The following RXRG variants were observed in gnomAD, a reference collection of about 807,000 sequenced individuals.
The protein encoded by RXRG is retinoid X receptor gamma, also known as retinoic acid receptor RXR-gamma.
RXRG carries 19 observed loss-of-function variants against 49.2 expected under a neutral mutation model. The ratio of observed to expected loss-of-function variants is 0.39; its 90% CI spans 0.27 to 0.57. RXRG has a LOEUF of 0.57. Ranked by LOEUF, RXRG falls within the 20% of genes least tolerant of loss-of-function variation. RXRG has a pLI of 0.64. For synonymous variants in RXRG, 224 were observed against 216.6 expected, an observed-to-expected ratio of 1.03 and a Z score of -0.30; for missense variants, 452 against 592.5, an observed-to-expected ratio of 0.76 and a Z score of 2.46.
chr1:165,433,085 T>A (rs182907796), intron 1 of RXRG, among the ~76,000 whole-genome samples: 30 of 152,192 alleles, frequency 2.0e-4, no homozygotes, highest in African/African-American at 6.7e-4. Context: ...CATCAGAGGA[T>A]GCACAATTTG....
At chr1:165,402,749 CACACACCTTCACACACTCTCATGCAT>C (rs1657622635) in intron 9 of RXRG, among the ~76,000 whole-genome samples, 1 of 151,944 alleles carries the variant, frequency 6.6e-6, no homozygotes, top group South Asian at 2.1e-4. Flanking sequence ...CACTCATGCA[CACACACCTTCACACACTCTCATGCAT>C]ACACACCTTC....
At position 165,411,030 on chromosome 1, in the gene RXRG, C is replaced by T. The variant is rs757312135; in HGVS notation, c.702G>A (p.Met234Ile). The T allele has an allele frequency of 3.7e-6, 6 of 1,614,152 alleles. No individual in the cohort carries two copies. Among genetic ancestry groups the T allele is most frequent in the Non-Finnish European group, 5.1e-6 (6 of 1,179,998 alleles). Residue 234 changes from methionine (M) to isoleucine (I), a missense_variant, in exon 5 of 10, where the codon ATG becomes ATA. Physicochemically the swap from Met to Ile is conservative, Grantham distance 10 (BLOSUM62 1). This residue lies in a region of RXRG where 286 missense variants were observed against 440.9 expected (regional missense o/e 0.65). Coordinates refer to ENST00000359842, the MANE Select transcript of RXRG (RefSeq NM_006917.5). Reference sequence around the variant, plus strand: ...CAGCTTCTAGAATCCTCTCCACAGGCATGTCTTCATGACCACTGGTAGCAC... The same window carrying T: ...CAGCTTCTAGAATCCTCTCCACAGGTATGTCTTCATGACCACTGGTAGCAC... ...AECATSGHED[M>I]PVERILEAEL...
intron 9 of RXRG, among the ~76,000 whole-genome samples, chr1:165,402,601 C>T (rs1023472495): frequency 5.9e-5 from 9 of 152,012 alleles, no homozygotes; most frequent in African/African-American, 9.7e-5. Flanking sequence ...CACTCACACA[C>T]GCACACTCAC....
chr1:165,437,557 G>T (rs1454912466), intron 1 of RXRG, among the ~76,000 whole-genome samples: 1 of 152,156 alleles, frequency 6.6e-6, no homozygotes, highest in Non-Finnish European at 1.5e-5. Flanking sequence ...GCCCTGTTCA[G>T]ATAGAGAGAG....
chr1:165,427,843 C>T (rs1480583906), intron 2 of RXRG, among the ~76,000 whole-genome samples: 1 of 152,132 alleles, frequency 6.6e-6, no homozygotes, highest in Non-Finnish European at 1.5e-5. Context: ...TTTTGCATTT[C>T]TATGATACAC....
rs373148482 is a variant in RXRG at position 165,401,276 on chromosome 1, A to G, written c.1379T>C (p.Leu460Pro). The part of the protein sequence containing the change: ...TFLMEMLETP[L>P]QIT The stretch of plus-strand genomic sequence containing the variant: ...GGCTGGTGGGGCTCAGGTGATCTGC[A>G]GCGGGGTCTCCAACATCTCCATGAG... The change falls in exon 10 of 10, where the codon CTG (leucine) becomes CCG (proline). Residue 460 changes from leucine to proline, a missense_variant. By Grantham distance (98) the Leu-to-Pro change is moderately conservative. This residue lies in a region of RXRG where 286 missense variants were observed against 440.9 expected (regional missense o/e 0.65). Transcript: ENST00000359842. The G allele has an allele frequency of 5.0e-6, 8 of 1,614,088 alleles. No individual in the cohort carries two copies. Among genetic ancestry groups the G allele is most frequent in the Non-Finnish European group, 6.8e-6 (8 of 1,179,996 alleles).
intron 9 of RXRG, among the ~76,000 whole-genome samples, chr1:165,406,136 G>C (rs1226481120): frequency 6.8e-6 from 1 of 147,188 alleles, no homozygotes; most frequent in Non-Finnish European, 1.5e-5. Flanking sequence ...TTGGAAGAAA[G>C]TTTTGAGAAT....
rs931824802 is a variant in RXRG, at chr1:165,411,201, T to G, written c.623-92A>C. 9.6e-6 allele frequency: 12 copies of G among 1,255,554 alleles called. No individual in the cohort carries two copies. In the African/African-American group the frequency reaches 1.6e-4, roughly 17 times the overall value. 77.8% of individuals were successfully genotyped at this position (1,255,554 alleles called of 1,614,324 possible). A position where few individuals can be genotyped will look rare whatever the true frequency, so the allele number is the denominator to read the frequency against. ...CCACATGAGCCTCAATTTACTCATC[T>G]ATGAAAGGGGAATCATTATGATCCT... On this transcript the variant is annotated intron_variant, in intron 4 of 9. Transcript: ENST00000359842.
chr1:165,443,335 G>A (rs1260240945), intron 1 of RXRG, among the ~76,000 whole-genome samples: 3 of 152,112 alleles, frequency 2.0e-5, no homozygotes, highest in Admixed American at 1.3e-4. Flanking sequence ...AAGATGTAAA[G>A]GAAAAAGCAA....
At chr1:165,437,639 A>G (rs934317915) in intron 1 of RXRG, among the ~76,000 whole-genome samples, 3 of 152,162 alleles carry the variant, frequency 2.0e-5, no homozygotes, top group Admixed American at 2.0e-4. Flanking sequence ...TGTGCACATA[A>G]TTGATGTTCA....
In RXRG at chr1:165,409,147, A is replaced by T. The variant is rs74121152; in HGVS notation, c.1046+411T>A. On this transcript the variant is annotated intron_variant, in intron 7 of 9. Transcript: ENST00000359842. ...CCATCTTGCCTGGCCTCTTGAGGAC[A>T]GATCCTGATCCCTTTCCCATCCTTG... 9.2e-3 allele frequency among the ~76,000 whole-genome samples: 1,404 copies of T among 152,258 alleles called. 18 individuals carry two copies. The highest frequency in any genetic ancestry group is 0.032 in the African/African-American group (1,342 of 41,532).
intron 1 of RXRG, among the ~76,000 whole-genome samples, chr1:165,438,350 C>A (rs1270787229): frequency 6.8e-6 from 1 of 148,058 alleles, no homozygotes. Flanking sequence ...GCAAATATTC[C>A]AAAATAAAAA....
At chr1:165,422,877 C>A (rs976304955) in intron 2 of RXRG, among the ~76,000 whole-genome samples, 3 of 152,200 alleles carry the variant, frequency 2.0e-5, no homozygotes, top group African/African-American at 7.2e-5. Context: ...ACCCCAAGAT[C>A]CTGGATCTCA....
At chr1:165,436,832 G>T in intron 1 of RXRG, 1 of 813,112 alleles carries the variant, frequency 1.2e-6, no homozygotes. Flanking sequence ...AACCAGATGG[G>T]GACAGAAGTG....
At chr1:165,442,797 T>C (rs1659047953) in intron 1 of RXRG, among the ~76,000 whole-genome samples, 1 of 152,220 alleles carries the variant, frequency 6.6e-6, no homozygotes, top group South Asian at 2.1e-4. Flanking sequence ...GATGAGATTA[T>C]AAATCCCATT....
At chr1:165,412,607 T>C (rs10489745) in intron 4 of RXRG, among the ~76,000 whole-genome samples, 14,714 of 152,300 alleles carry the variant, frequency 0.097, 1,211 homozygotes, top group East Asian at 0.41. Flanking sequence ...TTAAGGTTGG[T>C]ACTCTTCAGT....
chr1:165,443,511 A>G (rs1557930189), intron 1 of RXRG, among the ~76,000 whole-genome samples: 1 of 152,146 alleles, frequency 6.6e-6, no homozygotes, highest in Non-Finnish European at 1.5e-5. Context: ...GAACATTTCC[A>G]TGGCCCTCAC....
At chr1:165,415,393 T>G (rs1031412689) in intron 4 of RXRG, among the ~76,000 whole-genome samples, 2 of 152,104 alleles carry the variant, frequency 1.3e-5, no homozygotes, top group African/African-American at 4.8e-5. Flanking sequence ...AGGAAAGACA[T>G]TGGAGGATTC....
At chr1:165,429,866 C>A (rs1337277423) in intron 1 of RXRG, among the ~76,000 whole-genome samples, 1 of 152,176 alleles carries the variant, frequency 6.6e-6, no homozygotes, top group Non-Finnish European at 1.5e-5. Flanking sequence ...CAGTAGCAAA[C>A]TCGAGATGAA....
Sources: gnomAD v4.1 joint callset for allele counts (sites outside exome capture counted in the v4.1 genomes callset) on GRCh38, gnomAD v4.1.1 for gene constraint, gnomAD v4.1.1 regional missense constraint, MANE v1.5 for transcripts, NCBI Gene and HGNC (gene_info 2026-07-23, HGNC 2026-07-21) for gene names.